GPC5: variants seen among roughly 807,000 people sequenced by gnomAD.
GPC5 encodes glypican 5.
A neutral mutation model predicts 53.9 loss-of-function variants in GPC5; 47 were observed. The observed-to-expected ratio is 0.87, with a 90% CI of 0.69 to 1.11. GPC5 has a LOEUF of 1.11. GPC5 is among the 50% of genes most tolerant of loss of function. The pLI, the probability that GPC5 is intolerant of heterozygous loss-of-function variation, is 0.00. For synonymous variants in GPC5, 286 were observed against 263.3 expected (o/e 1.09, Z -0.84); for missense variants, 748 against 713.1 (o/e 1.05, Z -0.56).
intron 5 of GPC5, among the ~76,000 whole-genome samples, chr13:91,822,775 G>C (rs2038516164): frequency 6.6e-6 from 1 of 152,030 alleles, no homozygotes; most frequent in Non-Finnish European, 1.5e-5. Context: ...TGTTGAAGGA[G>C]GATGAATATG....
intron 6 of GPC5, among the ~76,000 whole-genome samples, chr13:91,993,895 A>G (rs1186791267): frequency 1.3e-5 from 2 of 152,316 alleles, no homozygotes; most frequent in East Asian, 3.9e-4. Context: ...ATATAATGTG[A>G]CACTTGATAC....
intron 2 of GPC5, among the ~76,000 whole-genome samples, chr13:91,672,383 A>G (rs185039520): frequency 9.8e-5 from 15 of 152,334 alleles, no homozygotes; most frequent in Admixed American, 9.2e-4. Context: ...AACTTAAACA[A>G]TGTTACAAGA....
intron 5 of GPC5, among the ~76,000 whole-genome samples, chr13:91,768,124 A>C (rs971910185): frequency 2.6e-5 from 4 of 152,186 alleles, no homozygotes; most frequent in Admixed American, 2.6e-4. Context: ...TTCACTGTTG[A>C]ATGATTTATT....
Position 92,206,459 on chromosome 13 carries a change from G to A in GPC5, c.1561+61470G>A, listed in dbSNP as rs555346898. The stretch of plus-strand genomic sequence containing the variant: ...GGAGCTCGGCTCCCAAAGTGCGGTG[G>A]CTGGAATGCAGCCACCGCACCCGGC... On this transcript the variant is annotated intron_variant, in intron 7 of 7. Coordinates refer to ENST00000377067, the MANE Select transcript of GPC5 (RefSeq NM_004466.6). Among the ~76,000 whole-genome samples, 9 of 151,728 alleles carry A rather than the reference G, an allele frequency of 5.9e-5. No individual in the cohort carries two copies. In the East Asian group the frequency reaches 1.8e-3, roughly 30 times the overall value.
At chr13:92,515,507 TG>T (rs1214553731) in intron 7 of GPC5, among the ~76,000 whole-genome samples, 8 of 152,326 alleles carry the variant, frequency 5.3e-5, no homozygotes, top group East Asian at 1.9e-4. Context: ...GTGGCATTTT[TG>T]TTTGACCTAT....
intron 5 of GPC5, among the ~76,000 whole-genome samples, chr13:91,850,579 T>C (rs924350251): frequency 6.6e-6 from 1 of 152,214 alleles, no homozygotes; most frequent in Non-Finnish European, 1.5e-5. Context: ...GGGATGTCTC[T>C]AGATTACAGT....
intron 7 of GPC5, among the ~76,000 whole-genome samples, chr13:92,771,118 A>G (rs1875597282): frequency 2.0e-5 from 3 of 152,062 alleles, no homozygotes; most frequent in Non-Finnish European, 4.4e-5. Flanking sequence ...TGATCTCCTG[A>G]CAACAGAGTG....
chr13:92,025,323 C>T (rs9560900), intron 6 of GPC5, among the ~76,000 whole-genome samples: 63,454 of 151,898 alleles, frequency 0.42, 13,785 homozygotes, highest in Admixed American at 0.51. Context: ...TTTCTCTTCT[C>T]TTCCACCCCT....
chr13:92,433,285 C>T (rs1365938015), intron 7 of GPC5, among the ~76,000 whole-genome samples: 1 of 151,730 alleles, frequency 6.6e-6, no homozygotes, highest in Admixed American at 6.6e-5. Flanking sequence ...TATCTAGATA[C>T]AGAGATAGCT....
chr13:91,763,853 C>T (rs1320425081), intron 5 of GPC5, among the ~76,000 whole-genome samples: 1 of 152,072 alleles, frequency 6.6e-6, no homozygotes, highest in Non-Finnish European at 1.5e-5. Flanking sequence ...CTCTCAGGTA[C>T]CAGAACTCAA....
chr13:92,543,431 T>C (rs983840099), intron 7 of GPC5, among the ~76,000 whole-genome samples: 7 of 152,088 alleles, frequency 4.6e-5, no homozygotes, highest in African/African-American at 1.7e-4. Context: ...TTGATGTTTT[T>C]TTTCTGGTGA....
chr13:92,753,020 C>A (rs1040040870), intron 7 of GPC5, among the ~76,000 whole-genome samples: 1 of 152,184 alleles, frequency 6.6e-6, no homozygotes, highest in Non-Finnish European at 1.5e-5. Context: ...CCTCTGTAGG[C>A]TCCACCTCTG....
chr13:91,703,263 G>C (rs2036031220), intron 3 of GPC5, among the ~76,000 whole-genome samples: 1 of 152,046 alleles, frequency 6.6e-6, no homozygotes, highest in East Asian at 1.9e-4. Flanking sequence ...TGATCTTAGA[G>C]GGAAAGGTTT....
At chr13:92,002,026 C>T (rs1326293768) in intron 6 of GPC5, among the ~76,000 whole-genome samples, 1 of 152,192 alleles carries the variant, frequency 6.6e-6, no homozygotes. Flanking sequence ...TGTACATCTG[C>T]TGTCCTCCAC....
intron 7 of GPC5, among the ~76,000 whole-genome samples, chr13:92,771,576 C>T (rs1293009259): frequency 6.6e-6 from 1 of 152,052 alleles, no homozygotes. Flanking sequence ...AACTCCTGAC[C>T]TCGTGATCCA....
At chr13:91,939,629 T>G (rs930656213) in intron 6 of GPC5, among the ~76,000 whole-genome samples, 2 of 152,166 alleles carry the variant, frequency 1.3e-5, no homozygotes, top group African/African-American at 4.8e-5. Context: ...CTCATCAGAT[T>G]TACACCTTAG....
intron 1 of GPC5, 145 bp from the exon 2 acceptor site, chr13:91,448,616 A>G: frequency 7.2e-6 from 5 of 696,958 alleles, no homozygotes; most frequent in South Asian, 2.3e-5. Context: ...TGAGCAATAG[A>G]TAAACTTTCT....
At chr13:92,386,346 G>A (rs1388782171) in intron 7 of GPC5, among the ~76,000 whole-genome samples, 1 of 151,914 alleles carries the variant, frequency 6.6e-6, no homozygotes, top group East Asian at 1.9e-4. Context: ...CTCTTTTACT[G>A]GTTTCATAAC....
chr13:92,851,558 T>C (rs1167597680), intron 7 of GPC5, among the ~76,000 whole-genome samples: 2 of 152,140 alleles, frequency 1.3e-5, no homozygotes, highest in African/African-American at 4.8e-5. Flanking sequence ...CTCTTGAATT[T>C]AGTCTTAAAG....
Sources: gnomAD v4.1 joint callset for allele counts (sites outside exome capture counted in the v4.1 genomes callset) on GRCh38, gnomAD v4.1.1 for gene constraint, MANE v1.5 for transcripts, NCBI Gene and HGNC (gene_info 2026-07-23, HGNC 2026-07-21) for gene names.